LRRC72: variants seen among roughly 807,000 people sequenced by gnomAD.
The protein encoded by LRRC72 is leucine-rich repeat-containing protein 72.
LRRC72 carries 41 observed loss-of-function variants against 35.8 expected under a neutral mutation model. That is an observed-to-expected ratio of 1.15 (90% confidence interval 0.89 to 1.49). The LOEUF is 1.49. Among genes scored for constraint, LRRC72 ranks in the 40% most tolerant of loss-of-function variants. The pLI, the probability that LRRC72 is intolerant of heterozygous loss-of-function variation, is 0.00. For synonymous variants in LRRC72, 118 were observed against 119.2 expected (o/e 0.99, Z 0.07); for missense variants, 389 against 330.7 (o/e 1.18, Z -1.37).
chr7:16,534,664 A>G (rs563896623), intron 2 of LRRC72, among the ~76,000 whole-genome samples: 35 of 151,882 alleles, frequency 2.3e-4, no homozygotes, highest in Non-Finnish European at 4.7e-4. Flanking sequence ...TAAAATAATA[A>G]AATAAAATGA....
At chr7:16,553,419 G>C (rs1782590575) in intron 3 of LRRC72, among the ~76,000 whole-genome samples, 1 of 152,144 alleles carries the variant, frequency 6.6e-6, no homozygotes, top group Non-Finnish European at 1.5e-5. Context: ...AGGTAAACTG[G>C]GGATATGGGG....
chr7:16,564,750 G>T (rs1265387674), intron 5 of LRRC72, among the ~76,000 whole-genome samples: 1 of 151,664 alleles, frequency 6.6e-6, no homozygotes, highest in East Asian at 1.9e-4. Flanking sequence ...AAAAAGTTGT[G>T]TTTATACAAC....
At chr7:16,564,207 C>G (rs555051237) in intron 5 of LRRC72, among the ~76,000 whole-genome samples, 1 of 152,300 alleles carries the variant, frequency 6.6e-6, no homozygotes, top group South Asian at 2.1e-4. Context: ...TATGAGGTGT[C>G]AGATGTGATT....
chr7:16,581,337 G>T lies in LRRC72; in HGVS notation c.712G>T (p.Asp238Tyr). The T allele has an allele frequency of 6.6e-7, 1 of 1,508,430 alleles. No homozygotes were observed. The highest frequency in any genetic ancestry group is 1.3e-5 in the South Asian group (1 of 74,646). The allele number at this position is 1,508,430 out of a possible 1,614,324, so 93.4% of individuals were successfully genotyped here. Residue 238 changes from aspartate (D) to tyrosine (Y), a missense_variant, in exon 9 of 9, where the codon GAC (aspartate) becomes TAC (tyrosine). Asp to Tyr is a radical substitution (Grantham distance 160). Coordinates refer to ENST00000401542, the MANE Select transcript of LRRC72 (RefSeq NM_001195280.2). ...TTTTTTTTGCAGAACTGTGCTTGATGACCCAGAAGATGCTGTTTTTGTGAG... is the reference window on the plus strand; with the variant it reads ...TTTTTTTTGCAGAACTGTGCTTGATTACCCAGAAGATGCTGTTTTTGTGAG... ...ANNVDKTVLD[D>Y]PEDAVFVRSM...
At chr7:16,552,160 G>T (rs776539105) in intron 3 of LRRC72, among the ~76,000 whole-genome samples, 4 of 152,180 alleles carry the variant, frequency 2.6e-5, no homozygotes, top group Non-Finnish European at 5.9e-5. Context: ...CCCCAAAGCT[G>T]ATTTCATAAG....
At chr7:16,534,244 T>C (rs1363536019) in intron 2 of LRRC72, among the ~76,000 whole-genome samples, 1 of 152,190 alleles carries the variant, frequency 6.6e-6, no homozygotes, top group Non-Finnish European at 1.5e-5. Context: ...TGATAATTAT[T>C]GTCAGCATGA....
At chr7:16,532,450 T>C in intron 1 of LRRC72, 45 bp from the exon 2 acceptor site, 1 of 1,432,798 alleles carries the variant, frequency 7.0e-7, no homozygotes, top group Non-Finnish European at 9.6e-7. Flanking sequence ...CTCAGCACTT[T>C]TGTTCATTGG....
At chr7:16,540,013 G>A (rs1782328310) in intron 3 of LRRC72, among the ~76,000 whole-genome samples, 3 of 152,232 alleles carry the variant, frequency 2.0e-5, no homozygotes, top group Admixed American at 1.3e-4. Flanking sequence ...GCCTAGTGGA[G>A]TTGTGAGAAG....
rs577300977 is a variant in LRRC72, at chr7:16,559,129, C to T, written c.427+130C>T. 68 of 538,526 alleles carry T rather than the reference C, an allele frequency of 1.3e-4. No individual in the cohort carries two copies. The Admixed American group carries it at 1.7e-3, about 13-fold the overall frequency. 33.4% of individuals were successfully genotyped at this position (538,526 alleles called of 1,614,324 possible). A position where few individuals can be genotyped will look rare whatever the true frequency, so the allele number is the denominator to read the frequency against. ...GATATTTAGGCTGGGCACTGTGACTCACGCCTGTAATCTCAGTGCTTAGGC... is the reference window on the plus strand; with the variant it reads ...GATATTTAGGCTGGGCACTGTGACTTACGCCTGTAATCTCAGTGCTTAGGC... On this transcript the variant is annotated intron_variant, in intron 5 of 8. Coordinates refer to ENST00000401542, the MANE Select transcript of LRRC72 (RefSeq NM_001195280.2).
At chr7:16,538,677 T>C (rs1782305532) in intron 3 of LRRC72, among the ~76,000 whole-genome samples, 1 of 152,228 alleles carries the variant, frequency 6.6e-6, no homozygotes, top group Non-Finnish European at 1.5e-5. Context: ...AATTTCCACA[T>C]GTTGAAGGAC....
At chr7:16,573,579 G>A (rs1484092637) in intron 7 of LRRC72, among the ~76,000 whole-genome samples, 1 of 152,334 alleles carries the variant, frequency 6.6e-6, no homozygotes, top group East Asian at 1.9e-4. Flanking sequence ...AATAAGTGGT[G>A]TTGGGAAAAC....
At chr7:16,571,387 G>A (rs1782940885) in intron 7 of LRRC72, among the ~76,000 whole-genome samples, 1 of 152,132 alleles carries the variant, frequency 6.6e-6, no homozygotes, top group South Asian at 2.1e-4. Context: ...AAATATTTAC[G>A]GTTGTGGTGG....
intron 7 of LRRC72, 64 bp from the exon 8 acceptor site, chr7:16,580,010 C>G: frequency 2.8e-6 from 1 of 352,164 alleles, no homozygotes; most frequent in Non-Finnish European, 5.7e-6. Flanking sequence ...AGCATTGTTC[C>G]ACTGTTTTTA....
chr7:16,527,566 G>C (rs80187793), intron 1 of LRRC72, among the ~76,000 whole-genome samples: 1 of 151,890 alleles, frequency 6.6e-6, no homozygotes, highest in Non-Finnish European at 1.5e-5. Flanking sequence ...AGCCCTACAA[G>C]CAGAGTCGAG....
rs574491014 is a variant in LRRC72, at chr7:16,567,487, C to T, written c.614C>T (p.Ala205Val). ...ATAGCATTCGGAGGAAAAGTGGATG[C>T]TTCATGGGATCCTAAATCACCATTT... ...QSIAFGGKVD[A>V]SWDPKSPFKQ... The change falls in exon 7 of 9, where the codon GCT becomes GTT. Residue 205 changes from alanine (A) to valine (V), a missense_variant. Transcript: ENST00000401542. 148 of 1,523,380 alleles carry T rather than the reference C, an allele frequency of 9.7e-5. No individual in the cohort carries two copies. In the South Asian group the frequency reaches 1.7e-3, roughly 18 times the overall value. 94.4% of individuals were successfully genotyped at this position (1,523,380 alleles called of 1,614,324 possible).
At chr7:16,559,354 A>T (rs1312366960) in intron 5 of LRRC72, among the ~76,000 whole-genome samples, 1 of 152,106 alleles carries the variant, frequency 6.6e-6, no homozygotes, top group Admixed American at 6.6e-5. Flanking sequence ...AGATCGCGCC[A>T]CTGGACTCTA....
intron 3 of LRRC72, 89 bp downstream of exon 3, chr7:16,537,785 A>T: frequency 1.3e-6 from 1 of 780,532 alleles, no homozygotes; most frequent in Non-Finnish European, 2.0e-6. Flanking sequence ...AAAAGTATTA[A>T]AATTTTTGCT....
chr7:16,542,485 A>G (rs1782374392), intron 3 of LRRC72, among the ~76,000 whole-genome samples: 1 of 152,194 alleles, frequency 6.6e-6, no homozygotes, highest in South Asian at 2.1e-4. Context: ...TCCTGACAAC[A>G]TGGGCCCAAG....
chr7:16,542,031 A>G (rs776661656), intron 3 of LRRC72, among the ~76,000 whole-genome samples: 3 of 152,220 alleles, frequency 2.0e-5, no homozygotes, highest in Non-Finnish European at 4.4e-5. Flanking sequence ...ATCATCAGGC[A>G]TGGCAAAAGT....
Sources: allele counts gnomAD v4.1 joint callset (sites outside exome capture counted in the v4.1 genomes callset), GRCh38; gene constraint gnomAD v4.1.1; transcripts MANE v1.5; gene names NCBI Gene and HGNC (gene_info 2026-07-23, HGNC 2026-07-21).